The following CAPN1 variants were observed in gnomAD, a reference collection of about 807,000 sequenced individuals.
The protein encoded by CAPN1 is calpain 1, also known as calpain-1 catalytic subunit.
CAPN1 carries 77 observed loss-of-function variants against 105.2 expected under a neutral mutation model. The ratio of observed to expected loss-of-function variants is 0.73; its 90% CI spans 0.61 to 0.88. CAPN1 has a LOEUF of 0.88. Among genes scored for constraint, CAPN1 ranks in the 40% least tolerant of loss-of-function variants. CAPN1 has a pLI of 0.00. For missense variants in CAPN1, 833 were observed against 976.6 expected, an observed-to-expected ratio of 0.85 and a Z score of 1.96; for synonymous variants, 355 against 388.8, an observed-to-expected ratio of 0.91 and a Z score of 1.02.
rs200470810 is a variant in CAPN1, at chr11:65,203,198, C to T, written c.1166-1485C>T. Among the ~76,000 whole-genome samples, 18 of 149,972 alleles carry T rather than the reference C, an allele frequency of 1.2e-4. No homozygotes were observed. In the South Asian group the frequency reaches 1.3e-3, roughly 10 times the overall value. On this transcript the variant is annotated intron_variant, in intron 10 of 21. Coordinates refer to ENST00000279247, the MANE Select transcript of CAPN1 (RefSeq NM_005186.4). ...AATAATGCAGCCATTAACATTCTCT[C>T]TTTTTTTTTTTAAATGGAATCTTGC...
In CAPN1 at chr11:65,210,842, G is replaced by A. The variant is rs1220347176; in HGVS notation, c.2088G>A (p.Leu696=). The A allele has an allele frequency of 1.2e-6, 2 of 1,613,748 alleles. No individual in the cohort carries two copies. The highest frequency in any genetic ancestry group is 1.3e-5 in the African/African-American group (1 of 75,040). Residue 696 remains leucine (L), a synonymous_variant, in exon 21 of 22, where the codon CTG becomes CTA. Coordinates refer to ENST00000279247, the MANE Select transcript of CAPN1 (RefSeq NM_005186.4). The surrounding 1 kb of genome is among the most constrained non-coding windows in gnomAD (Gnocchi z 4.3). The part of the protein sequence containing the change: ...FRFFKTLDTD[L]DGVVTFDLFK... The stretch of plus-strand genomic sequence containing the variant: ...TTTTCAAAACTCTGGACACAGATCT[G>A]GATGGAGTTGTGACCTTTGACTTGT...
Position 65,211,118 on chromosome 11 carries a change from G to A in CAPN1, c.2119-142G>A, listed in dbSNP as rs544421767. On this transcript the variant is annotated intron_variant, in intron 21 of 21. Transcript: ENST00000279247. ...AGCACTCTGGTTTCCCAGGGGTGGA[G>A]GAGGTAAGAAAGTAACCCCTCCATG... The A allele has an allele frequency of 3.1e-5, 29 of 932,310 alleles. No individual in the cohort carries two copies. The African/African-American group carries it at 4.1e-4, about 13-fold the overall frequency. 57.8% of individuals were successfully genotyped at this position (932,310 alleles called of 1,614,324 possible).
chr11:65,188,661 C>T lies in CAPN1; in HGVS notation c.1080C>T (p.Ser360=), dbSNP rs747588073. 1 of 1,613,720 alleles carries T rather than the reference C, an allele frequency of 6.2e-7. No homozygotes were observed. Among genetic ancestry groups the T allele is most frequent in the Non-Finnish European group, 8.5e-7 (1 of 1,179,838 alleles). ...ICNLTPDALK[S]RTIRKWNTTL... ...ACCTCACACCCGACGCCCTCAAGAGCCGGACCATCCGCAAATGGAACACCA... is the reference window on the plus strand; with the variant it reads ...ACCTCACACCCGACGCCCTCAAGAGTCGGACCATCCGCAAATGGAACACCA... The change falls in exon 10 of 22, where the codon AGC becomes AGT. Residue 360 remains serine, a synonymous_variant. Coordinates refer to ENST00000279247, the MANE Select transcript of CAPN1 (RefSeq NM_005186.4). This position sits in a 1 kb window ranked among gnomAD's most constrained non-coding sequence, Gnocchi z 5.5.
At chr11:65,191,105 C>G (rs1948713243) in intron 10 of CAPN1, among the ~76,000 whole-genome samples, 1 of 152,176 alleles carries the variant, frequency 6.6e-6, no homozygotes, top group South Asian at 2.1e-4. Context: ...TTACATGAAA[C>G]CTATAGACCA....
At chr11:65,197,081 A>T (rs557185669) in intron 10 of CAPN1, among the ~76,000 whole-genome samples, 4 of 152,326 alleles carry the variant, frequency 2.6e-5, no homozygotes, top group African/African-American at 9.6e-5. Context: ...AAGTGGCAAA[A>T]CTGGGATTTG....
chr11:65,206,600 G>A lies in CAPN1; in HGVS notation c.1491G>A (p.Val497=). The A allele has an allele frequency of 6.2e-7, 1 of 1,613,436 alleles. No homozygotes were observed. Among genetic ancestry groups the A allele is most frequent in the Non-Finnish European group, 8.5e-7 (1 of 1,179,868 alleles). Reference sequence around the variant, plus strand: ...TGCCACCCGGGGAGTATGTGGTGGTGCCCTCCACCTTCGAGCCCAACAAGG... The same window carrying A: ...TGCCACCCGGGGAGTATGTGGTGGTACCCTCCACCTTCGAGCCCAACAAGG... ...FRLPPGEYVV[V]PSTFEPNKEG... The change falls in exon 13 of 22, where the codon GTG becomes GTA. Residue 497 remains valine (V), a synonymous_variant. Coordinates refer to ENST00000279247, the MANE Select transcript of CAPN1 (RefSeq NM_005186.4).
chr11:65,197,161 T>A (rs537781111), intron 10 of CAPN1, among the ~76,000 whole-genome samples: 165 of 152,346 alleles, frequency 1.1e-3, no homozygotes, highest in Non-Finnish European at 2.0e-3. Flanking sequence ...CTAGGGGGAT[T>A]GTTCTATAAT....
rs558752871 is a variant in CAPN1 at position 65,200,884 on chromosome 11, C to T, written c.1166-3799C>T. On this transcript the variant is annotated intron_variant, in intron 10 of 21. Coordinates refer to ENST00000279247, the MANE Select transcript of CAPN1 (RefSeq NM_005186.4). ...CTGGGCTCAAGTGATCCTCCCACCT[C>T]AGCCTCCTGATTTACCTGGGACTAC... 5.4e-5 allele frequency among the ~76,000 whole-genome samples: 8 copies of T among 149,422 alleles called. No homozygotes were observed. The East Asian group carries it at 1.6e-3, about 29-fold the overall frequency.
chr11:65,206,030 A>G (rs968278646), intron 12 of CAPN1: 1 of 526,878 alleles, frequency 1.9e-6, no homozygotes, highest in African/African-American at 1.9e-5. Context: ...CGGTCCAGCA[A>G]TGTCAGGAGC....
In CAPN1 at chr11:65,188,768, G is replaced by A; in HGVS notation, c.1165+22G>A. ...CCAGGTGCACAGGGGCGGGCTCTGG[G>A]TCTTGCTGCTTCCTGGCTTAGGGGC... is the stretch of plus-strand genomic sequence containing the variant. On this transcript the variant is annotated intron_variant, in intron 10 of 21. Transcript: ENST00000279247. The surrounding 1 kb of genome is among the most constrained non-coding windows in gnomAD (Gnocchi z 5.5). The A allele has an allele frequency of 6.5e-7, 1 of 1,546,982 alleles. No individual in the cohort carries two copies. Among genetic ancestry groups the A allele is most frequent in the East Asian group, 2.4e-5 (1 of 40,906 alleles).
intron 10 of CAPN1, among the ~76,000 whole-genome samples, chr11:65,198,854 T>C (rs977230523): frequency 1.3e-5 from 2 of 151,954 alleles, no homozygotes; most frequent in Non-Finnish European, 2.9e-5. Context: ...GGGGGGCAGT[T>C]GACGGAGTCG....
At chr11:65,204,941 AC>A in intron 11 of CAPN1, 83 bp downstream of exon 11, 1 of 1,193,390 alleles carries the variant, frequency 8.4e-7, no homozygotes. Context: ...GCGGGCTTCC[AC>A]CAGGGGGCGC....
chr11:65,208,763 G>C lies in CAPN1; in HGVS notation c.1729+501G>C, dbSNP rs1949001409. The C allele has an allele frequency of 2.2e-5, 5 of 232,414 alleles. 1 individual carries two copies. In the South Asian group the frequency reaches 3.0e-4, roughly 14 times the overall value. 14.4% of individuals were successfully genotyped at this position (232,414 alleles called of 1,614,324 possible). ...TCAGTGCACTCCAGCCTGGGCAACA[G>C]AGCAAGACCCTGTCTCAAAAAAAAA... On this transcript the variant is annotated intron_variant, in intron 16 of 21. Transcript: ENST00000279247. This position sits in a 1 kb window ranked among gnomAD's most constrained non-coding sequence, Gnocchi z 4.1.
Position 65,188,514 on chromosome 11 carries a change from C to A in CAPN1, c.1004+26C>A. 1 of 1,612,788 alleles carries A rather than the reference C, an allele frequency of 6.2e-7. No homozygotes were observed. Among genetic ancestry groups the A allele is most frequent in the Non-Finnish European group, 8.5e-7 (1 of 1,179,178 alleles). On this transcript the variant is annotated intron_variant, in intron 9 of 21. Transcript: ENST00000279247. This position sits in a 1 kb window ranked among gnomAD's most constrained non-coding sequence, Gnocchi z 5.5. The stretch of plus-strand genomic sequence containing the variant: ...GTGAGCGCCCCCTCCCCTTCTACCC[C>A]ACCTCTCCACCCCTACACATCAGCT...
At position 65,209,991 on chromosome 11, in the gene CAPN1, G is replaced by T; in HGVS notation, c.1864-27G>T. The T allele has an allele frequency of 6.2e-7, 1 of 1,612,638 alleles. No individual in the cohort carries two copies. The highest frequency in any genetic ancestry group is 8.5e-7 in the Non-Finnish European group (1 of 1,179,288). On this transcript the variant is annotated intron_variant, in intron 18 of 21. Transcript: ENST00000279247. The surrounding 1 kb of genome is among the most constrained non-coding windows in gnomAD (Gnocchi z 4.1). ...TGGGAAGGGCCGGGTGACTCAGCCT[G>T]GCCCTCACCCTCTGCCGCCACCTCA...
In CAPN1 at chr11:65,206,494, G is replaced by C; in HGVS notation, c.1385G>C (p.Arg462Pro). Reference protein sequence around the residue: ...LVGQPAVHLKRDFFLANASRA... With the variant: ...LVGQPAVHLKPDFFLANASRA... Reference sequence around the variant, plus strand: ...GGCCAGCCGGCCGTACACTTGAAGCGTGACTTCTTCCTGGCCAATGCGTCT... The same window carrying C: ...GGCCAGCCGGCCGTACACTTGAAGCCTGACTTCTTCCTGGCCAATGCGTCT... Residue 462 changes from arginine (R) to proline (P), a missense_variant, in exon 13 of 22, where the codon CGT (arginine) becomes CCT (proline). Coordinates refer to ENST00000279247, the MANE Select transcript of CAPN1 (RefSeq NM_005186.4). The C allele has an allele frequency of 2.5e-6, 4 of 1,613,344 alleles. No homozygotes were observed. The highest frequency in any genetic ancestry group is 1.1e-5 in the South Asian group (1 of 91,082).
In CAPN1 at chr11:65,209,958, C is replaced by T. The variant is rs776319029; in HGVS notation, c.1863+41C>T. 2.7e-5 allele frequency: 44 copies of T among 1,610,840 alleles called. No individual in the cohort carries two copies. Among genetic ancestry groups the T allele is most frequent in the East Asian group, 1.3e-4 (6 of 44,880 alleles). On this transcript the variant is annotated intron_variant, in intron 18 of 21. Transcript: ENST00000279247. The surrounding 1 kb of genome is among the most constrained non-coding windows in gnomAD (Gnocchi z 4.1). The stretch of plus-strand genomic sequence containing the variant: ...TCACCTCAGTCATGCAGGTGCGGGC[C>T]GGGCAGGTGGGAAGGGCCGGGTGAC...
At chr11:65,186,827 C>G (rs1948640779) in intron 6 of CAPN1, among the ~76,000 whole-genome samples, 1 of 152,230 alleles carries the variant, frequency 6.6e-6, no homozygotes, top group Non-Finnish European at 1.5e-5. Flanking sequence ...AGCTCCCATT[C>G]CCATTTCTAA....
intron 21 of CAPN1, 150 bp downstream of exon 21, chr11:65,211,022 G>T: frequency 1.3e-6 from 1 of 797,560 alleles, no homozygotes; most frequent in Non-Finnish European, 2.1e-6. Flanking sequence ...GAAAGGCTGG[G>T]GTGGGGGTGT....
Sources: allele counts gnomAD v4.1 joint callset (sites outside exome capture counted in the v4.1 genomes callset), GRCh38; gene constraint gnomAD v4.1.1; non-coding constraint Gnocchi (gnomAD v3.1); transcripts MANE v1.5; gene names NCBI Gene and HGNC (gene_info 2026-07-23, HGNC 2026-07-21).